Variants in STXBP5L observed in about 807,000 individuals in gnomAD.
STXBP5L encodes the protein syntaxin-binding protein 5-like.
Under a neutral mutation model 144.5 loss-of-function variants are expected in STXBP5L, and 65 were observed. The observed-to-expected ratio is 0.45, with a 90% CI of 0.37 to 0.55. The LOEUF is 0.55. STXBP5L is among the 20% of genes least tolerant of loss of function. The probability of loss-of-function intolerance (pLI) is 0.00; values close to 1 mark genes in which losing one functional copy is unlikely to be tolerated. For synonymous variants in STXBP5L, 505 were observed against 469.6 expected (o/e 1.08, Z -0.97); for missense variants, 1,298 against 1,405.5 (o/e 0.92, Z 1.22).
rs114374472 is a variant in STXBP5L at position 121,342,159 on chromosome 3, T to C, written c.2176+23619T>C. Among the ~76,000 whole-genome samples the C allele has an allele frequency of 2.8e-3, 420 of 152,130 alleles. 2 individuals carry two copies. The highest frequency in any genetic ancestry group is 8.8e-3 in the African/African-American group (367 of 41,510). ...ATTAAAAATTAAAGAAAGAAAAATA[T>C]TCACAGACAAGTGAACCTGCACAGT... On this transcript the variant is annotated intron_variant, in intron 20 of 26. Coordinates refer to ENST00000471454, the MANE Select transcript of STXBP5L (RefSeq NM_001308330.2).
intron 5 of STXBP5L, among the ~76,000 whole-genome samples, chr3:121,063,852 G>A (rs1388306709): frequency 1.3e-5 from 2 of 152,070 alleles, no homozygotes; most frequent in East Asian, 1.9e-4. Flanking sequence ...CACCAAGATA[G>A]CATGTTTCAG....
chr3:120,989,350 C>T (rs758036316), intron 3 of STXBP5L, among the ~76,000 whole-genome samples: 51 of 152,108 alleles, frequency 3.4e-4, no homozygotes, highest in African/African-American at 8.2e-4. Context: ...GATGGTATCT[C>T]GCTGTGGTTT....
intron 3 of STXBP5L, among the ~76,000 whole-genome samples, chr3:121,008,604 A>G (rs1435470622): frequency 2.6e-5 from 4 of 152,002 alleles, no homozygotes; most frequent in African/African-American, 7.2e-5. Flanking sequence ...TTAAAACTAT[A>G]TAGTATCATG....
chr3:121,173,334 T>C (rs1031355611), intron 9 of STXBP5L, among the ~76,000 whole-genome samples: 1 of 149,390 alleles, frequency 6.7e-6, no homozygotes, highest in Admixed American at 6.7e-5. Flanking sequence ...ATAATAATAA[T>C]AATAATAATA....
chr3:121,286,171 G>A (rs1338319700), intron 19 of STXBP5L, among the ~76,000 whole-genome samples: 1 of 152,048 alleles, frequency 6.6e-6, no homozygotes, highest in Admixed American at 6.5e-5. Context: ...AGAGTCCCAG[G>A]CCTATTATCC....
chr3:121,274,832 G>A (rs1461826287), intron 18 of STXBP5L, among the ~76,000 whole-genome samples: 11 of 152,136 alleles, frequency 7.2e-5, no homozygotes, highest in Admixed American at 3.9e-4. Context: ...TAGCAGTAAC[G>A]TGGGTCCAGC....
At chr3:121,219,385 T>G (rs1310859838) in intron 10 of STXBP5L, among the ~76,000 whole-genome samples, 2 of 152,118 alleles carry the variant, frequency 1.3e-5, no homozygotes, top group East Asian at 3.8e-4. Flanking sequence ...CCATATAAGC[T>G]GCAGCAGTAG....
intron 5 of STXBP5L, among the ~76,000 whole-genome samples, chr3:121,071,885 T>C (rs911060661): frequency 6.6e-6 from 1 of 152,206 alleles, no homozygotes; most frequent in African/African-American, 2.4e-5. Context: ...GAATACCCAG[T>C]TACTTTAGTA....
At chr3:121,288,896 C>A (rs2051320672) in intron 19 of STXBP5L, among the ~76,000 whole-genome samples, 2 of 152,082 alleles carry the variant, frequency 1.3e-5, no homozygotes, top group East Asian at 3.9e-4. Flanking sequence ...TTGGCATCTT[C>A]ATCATGAAAT....
chr3:120,984,386 G>T (rs1297730977), intron 3 of STXBP5L, among the ~76,000 whole-genome samples: 3 of 152,070 alleles, frequency 2.0e-5, no homozygotes, highest in Non-Finnish European at 4.4e-5. Context: ...ATAGTTTCTT[G>T]AATTTTTGTG....
chr3:121,029,351 C>T (rs575350243), intron 3 of STXBP5L, among the ~76,000 whole-genome samples: 80 of 152,010 alleles, frequency 5.3e-4, no homozygotes, highest in Non-Finnish European at 1.0e-3. Flanking sequence ...CAATGGAACA[C>T]AACAGAGGCC....
chr3:121,129,645 T>A (rs79408274), intron 7 of STXBP5L, among the ~76,000 whole-genome samples: 2,938 of 152,110 alleles, frequency 0.019, 89 homozygotes, highest in African/African-American at 0.066. Context: ...AGGACTGCAG[T>A]GTAAATTCAA....
chr3:121,174,553 AC>A (rs1379211131), intron 9 of STXBP5L, among the ~76,000 whole-genome samples: 1 of 152,158 alleles, frequency 6.6e-6, no homozygotes, highest in Non-Finnish European at 1.5e-5. Context: ...TTTGGGAGAA[AC>A]AAGACCTGAA....
chr3:120,952,477 T>C (rs1039881887), intron 2 of STXBP5L, among the ~76,000 whole-genome samples: 1 of 152,106 alleles, frequency 6.6e-6, no homozygotes, highest in Non-Finnish European at 1.5e-5. Context: ...GATAGTTTAT[T>C]GTTAGTATGC....
intron 9 of STXBP5L, among the ~76,000 whole-genome samples, chr3:121,176,072 T>C (rs1252188158): frequency 6.6e-6 from 1 of 151,934 alleles, no homozygotes; most frequent in Non-Finnish European, 1.5e-5. Flanking sequence ...GAGACAAAAA[T>C]TTATAGATCT....
intron 3 of STXBP5L, among the ~76,000 whole-genome samples, chr3:121,037,698 C>T (rs1173985483): frequency 6.6e-6 from 1 of 151,892 alleles, no homozygotes; most frequent in Non-Finnish European, 1.5e-5. Context: ...AATCTTTCTT[C>T]CTCTCAATTT....
intron 22 of STXBP5L, among the ~76,000 whole-genome samples, chr3:121,398,820 TATA>T (rs572445727): frequency 4.8e-4 from 73 of 152,304 alleles, no homozygotes; most frequent in Non-Finnish European, 9.0e-4. Flanking sequence ...CAAATGTAGC[TATA>T]ATATTTCCCT....
chr3:121,186,321 T>G (rs978336019), intron 9 of STXBP5L, among the ~76,000 whole-genome samples: 1 of 152,224 alleles, frequency 6.6e-6, no homozygotes, highest in Non-Finnish European at 1.5e-5. Flanking sequence ...TGGCCAGAAC[T>G]TCCAACACTA....
At chr3:121,413,458 T>G in intron 24 of STXBP5L, 135 bp downstream of exon 24, 1 of 763,116 alleles carries the variant, frequency 1.3e-6, no homozygotes, top group Admixed American at 3.8e-5. Context: ...ATATATATTC[T>G]TCATTTTGAG....
Sources: allele counts gnomAD v4.1 joint callset (sites outside exome capture counted in the v4.1 genomes callset), GRCh38; gene constraint gnomAD v4.1.1; transcripts MANE v1.5; gene names NCBI Gene and HGNC (gene_info 2026-07-23, HGNC 2026-07-21).